The following TMEM131L variants were observed in gnomAD, a reference collection of about 807,000 sequenced individuals.
The protein encoded by TMEM131L is transmembrane 131 like, also known as transmembrane protein 131-like.
A neutral mutation model predicts 192.2 loss-of-function variants in TMEM131L; 54 were observed. The ratio of observed to expected loss-of-function variants is 0.28; its 90% confidence interval spans 0.23 to 0.35. The LOEUF is 0.35. Among genes scored for constraint, TMEM131L ranks in the 10% least tolerant of loss-of-function variants. The pLI is 1.00. For synonymous variants in TMEM131L, 701 were observed against 704.9 expected (o/e 0.99, Z 0.09); for missense variants, 1,888 against 1,972.9 (o/e 0.96, Z 0.82).
intron 3 of TMEM131L, among the ~76,000 whole-genome samples, chr4:153,489,299 T>C (rs1732595719): frequency 6.6e-6 from 1 of 152,208 alleles, no homozygotes; most frequent in Non-Finnish European, 1.5e-5. Flanking sequence ...CAGACCAGTC[T>C]ACGGCAGCTT....
Position 153,498,813 on chromosome 4 carries a change from T to C in TMEM131L, c.239+24925T>C, listed in dbSNP as rs115116129. Among the ~76,000 whole-genome samples, 798 of 152,202 alleles carry C rather than the reference T, an allele frequency of 5.2e-3. 6 individuals are homozygous for C. Among genetic ancestry groups the C allele is most frequent in the Non-Finnish European group, 6.7e-3 (457 of 68,010 alleles). On this transcript the variant is annotated intron_variant, in intron 3 of 34. Transcript: ENST00000409959. ...AAATTGAGAAGCTGCCATTTAGGAG[T>C]TTATGCAACAAATGCAGAGGAGAGT... is the stretch of plus-strand genomic sequence containing the variant.
chr4:153,475,308 T>G (rs780600935), intron 3 of TMEM131L, among the ~76,000 whole-genome samples: 1 of 152,074 alleles, frequency 6.6e-6, no homozygotes. Context: ...CTTTTAATGA[T>G]GGCTCACTGT....
chr4:153,521,559 T>G (rs774746848), intron 3 of TMEM131L, among the ~76,000 whole-genome samples: 9 of 152,194 alleles, frequency 5.9e-5, no homozygotes, highest in Non-Finnish European at 1.3e-4. Context: ...TGACCATTTT[T>G]AAGTGTACAG....
chr4:153,620,701 A>G, intron 26 of TMEM131L, 55 bp from the exon 27 acceptor site: 1 of 1,191,926 alleles, frequency 8.4e-7, no homozygotes, highest in South Asian at 1.4e-5. Flanking sequence ...ACATTTAAAC[A>G]TGTTTTTATT....
At chr4:153,584,989 C>G in intron 12 of TMEM131L, 58 bp downstream of exon 12, 1 of 1,297,756 alleles carries the variant, frequency 7.7e-7, no homozygotes. Flanking sequence ...GTTTTCCCCT[C>G]TAGAAATGGT....
chr4:153,580,775 G>A (rs1049218825), intron 7 of TMEM131L, 51 bp from the exon 8 acceptor site: 5 of 1,017,740 alleles, frequency 4.9e-6, no homozygotes, highest in Non-Finnish European at 7.7e-6. Flanking sequence ...TTATTAGTGT[G>A]AGATTGAGCC....
chr4:153,487,263 T>C (rs755203185), intron 3 of TMEM131L, among the ~76,000 whole-genome samples: 2 of 152,160 alleles, frequency 1.3e-5, no homozygotes, highest in African/African-American at 2.4e-5. Flanking sequence ...AATTGGGAGA[T>C]GGTTGCTTTT....
chr4:153,524,252 G>A (rs1428326367), intron 3 of TMEM131L, among the ~76,000 whole-genome samples: 3 of 150,694 alleles, frequency 2.0e-5, no homozygotes, highest in Non-Finnish European at 4.4e-5. Context: ...TCCAGGGCAT[G>A]TAGCCCAAGG....
chr4:153,554,289 A>G (rs1737841333), intron 4 of TMEM131L: 1 of 152,234 alleles, frequency 6.6e-6, no homozygotes, highest in African/African-American at 2.4e-5. Context: ...ATTTTTTAAA[A>G]AAATGGTATT....
chr4:153,489,037 T>A (rs1395801739), intron 3 of TMEM131L, among the ~76,000 whole-genome samples: 2 of 152,184 alleles, frequency 1.3e-5, no homozygotes, highest in African/African-American at 4.8e-5. Flanking sequence ...GCACCAACCC[T>A]GTTTCCAAGT....
chr4:153,636,251 G>A (rs1734560921), intron 34 of TMEM131L, 50 bp from the exon 35 acceptor site: 4 of 1,463,782 alleles, frequency 2.7e-6, no homozygotes, highest in Non-Finnish European at 3.6e-6. Context: ...ACCTTTCTAA[G>A]GCTTTTTTTT....
intron 10 of TMEM131L, 108 bp from the exon 11 acceptor site, chr4:153,583,456 A>G: frequency 1.2e-6 from 1 of 822,488 alleles, no homozygotes; most frequent in Non-Finnish European, 2.1e-6. Flanking sequence ...GATGCTGAGC[A>G]GTTGCTATGT....
At chr4:153,472,668 A>G (rs1039573817) in intron 2 of TMEM131L, among the ~76,000 whole-genome samples, 9 of 152,174 alleles carry the variant, frequency 5.9e-5, no homozygotes, top group Admixed American at 6.5e-5. Flanking sequence ...TGTGGTGGCA[A>G]TGTGGGGTGG....
chr4:153,601,661 C>T (rs1367606396), intron 21 of TMEM131L, among the ~76,000 whole-genome samples: 1 of 152,084 alleles, frequency 6.6e-6, no homozygotes, highest in Non-Finnish European at 1.5e-5. Context: ...AAAATGTGTT[C>T]TCATAATAGT....
At chr4:153,483,653 A>G (rs1039182537) in intron 3 of TMEM131L, among the ~76,000 whole-genome samples, 1 of 152,284 alleles carries the variant, frequency 6.6e-6, no homozygotes. Flanking sequence ...TGATTTTGCC[A>G]CTGTACTCCA....
At chr4:153,511,557 A>G (rs1387892879) in intron 3 of TMEM131L, among the ~76,000 whole-genome samples, 1 of 152,170 alleles carries the variant, frequency 6.6e-6, no homozygotes, top group Non-Finnish European at 1.5e-5. Context: ...AATAATCTGT[A>G]TATCGAACCC....
chr4:153,508,276 C>T (rs954028839), intron 3 of TMEM131L, among the ~76,000 whole-genome samples: 10 of 152,052 alleles, frequency 6.6e-5, no homozygotes, highest in South Asian at 2.1e-4. Flanking sequence ...TTACTGCATG[C>T]GTATAATATT....
At chr4:153,525,950 G>C (rs1454053895) in intron 3 of TMEM131L, among the ~76,000 whole-genome samples, 2 of 151,804 alleles carry the variant, frequency 1.3e-5, no homozygotes, top group East Asian at 1.9e-4. Flanking sequence ...TCTGCCTCCC[G>C]GGTTCAAGTG....
chr4:153,504,349 G>A lies in TMEM131L; in HGVS notation c.239+30461G>A, dbSNP rs149189695. 8.6e-3 allele frequency among the ~76,000 whole-genome samples: 1,126 copies of A among 130,350 alleles called. 21 individuals carry two copies. Among genetic ancestry groups the A allele is most frequent in the African/African-American group, 0.032 (1,050 of 33,020 alleles). 85.5% of individuals were successfully genotyped at this position (130,350 alleles called of 152,430 possible). ...GGCTGCAGTGCAGTGGTGTGATCTC[G>A]GCTCACTGCAACCTCCACCTTCTGG... is the stretch of plus-strand genomic sequence containing the variant. On this transcript the variant is annotated intron_variant, in intron 3 of 34. Coordinates refer to ENST00000409959, the MANE Select transcript of TMEM131L (RefSeq NM_001131007.2).
Sources: gnomAD v4.1 joint callset for allele counts (sites outside exome capture counted in the v4.1 genomes callset) on GRCh38, gnomAD v4.1.1 for gene constraint, MANE v1.5 for transcripts, NCBI Gene and HGNC (gene_info 2026-07-23, HGNC 2026-07-21) for gene names.